The following BNC2 variants were observed in gnomAD, a reference collection of about 807,000 sequenced individuals.
The protein encoded by BNC2 is basonuclin zinc finger protein 2, also known as zinc finger protein basonuclin-2.
BNC2 carries 20 observed loss-of-function variants against 76.3 expected under a neutral mutation model. The observed-to-expected ratio is 0.26, with a 90% CI of 0.18 to 0.38. The LOEUF (loss-of-function observed/expected upper bound fraction) is 0.38. Among genes scored for constraint, BNC2 ranks in the 10% least tolerant of loss-of-function variants. The pLI is 1.00. For synonymous variants in BNC2, 582 were observed against 514.8 expected, an observed-to-expected ratio of 1.13 and a Z score of -1.77; for missense variants, 1,382 against 1,399.8, an observed-to-expected ratio of 0.99 and a Z score of 0.20.
At chr9:16,847,807 C>T (rs903140854) in intron 1 of BNC2, among the ~76,000 whole-genome samples, 4 of 152,204 alleles carry the variant, frequency 2.6e-5, no homozygotes, top group East Asian at 1.9e-4. Context: ...TGAGAATCTA[C>T]GGAGCAGCAT....
chr9:16,419,726 T>C (rs1820672563), intron 6 of BNC2, 77 bp from the exon 7 acceptor site: 1 of 921,656 alleles, frequency 1.1e-6, no homozygotes, highest in Non-Finnish European at 1.7e-6. Context: ...CATTTTAAAA[T>C]TGATTCAGCT....
Position 16,552,711 on chromosome 9 carries a change from A to G in BNC2, c.488T>C (p.Val163Ala). 1 of 1,614,208 alleles carries G rather than the reference A, an allele frequency of 6.2e-7. No individual in the cohort carries two copies. Among genetic ancestry groups the G allele is most frequent in the Non-Finnish European group, 8.5e-7 (1 of 1,180,040 alleles). Residue 163 changes from valine to alanine, a missense_variant, in exon 5 of 7, where the codon GTG (valine) becomes GCG (alanine). This residue lies in a region of BNC2 where 557 missense variants were observed against 540.9 expected (regional missense o/e 1.03). Transcript: ENST00000380672. ...GATGTCAAACACGACGTTGGACTGC[A>G]CAATCTCCACTTGGGTGGGGTGGTA... ...HLYHPTQVEI[V>A]QSNVVFDISS...
intron 2 of BNC2, among the ~76,000 whole-genome samples, chr9:16,736,153 G>T (rs895344650): frequency 1.5e-4 from 22 of 150,960 alleles, no homozygotes; most frequent in African/African-American, 4.9e-4. Context: ...AGAATCACTT[G>T]AACCTGGGAG....
intron 1 of BNC2, among the ~76,000 whole-genome samples, chr9:16,821,875 C>T (rs1209273918): frequency 6.6e-6 from 1 of 151,944 alleles, no homozygotes; most frequent in Non-Finnish European, 1.5e-5. Flanking sequence ...GGACGGATCA[C>T]GAGGTCAGGA....
rs181057037 is a variant in BNC2 at position 16,701,006 on chromosome 9, G to A, written c.330+26791C>T. Among the ~76,000 whole-genome samples, 254 of 152,220 alleles carry A rather than the reference G, an allele frequency of 1.7e-3. 1 individual carries two copies. The Middle Eastern group carries it at 0.017, about 10-fold the overall frequency. On this transcript the variant is annotated intron_variant, in intron 3 of 6. Coordinates refer to ENST00000380672, the MANE Select transcript of BNC2 (RefSeq NM_017637.6). ...GAATTCCACATAATAACATCGCCAA[G>A]CACAAGATAAACAAAACCTTCAAGT... is the stretch of plus-strand genomic sequence containing the variant.
At chr9:16,671,790 A>T (rs931329480) in intron 3 of BNC2, among the ~76,000 whole-genome samples, 1 of 152,148 alleles carries the variant, frequency 6.6e-6, no homozygotes, top group African/African-American at 2.4e-5. Context: ...TGGTTTTAAC[A>T]CTGGTTTGAC....
At chr9:16,703,630 G>C (rs1486894765) in intron 3 of BNC2, among the ~76,000 whole-genome samples, 2 of 152,082 alleles carry the variant, frequency 1.3e-5, no homozygotes, top group Admixed American at 6.6e-5. Context: ...TGTTTAAGAA[G>C]AACAAGCCAT....
chr9:16,557,461 T>G (rs1818871326), intron 4 of BNC2, among the ~76,000 whole-genome samples: 1 of 151,448 alleles, frequency 6.6e-6, no homozygotes, highest in Admixed American at 6.6e-5. Flanking sequence ...ATCGTACCAC[T>G]GCACTCTAGC....
chr9:16,581,833 G>C (rs954806728), intron 4 of BNC2, among the ~76,000 whole-genome samples: 4 of 152,134 alleles, frequency 2.6e-5, no homozygotes, highest in African/African-American at 9.7e-5. Context: ...GCAGGAAAGC[G>C]CTCTATCCCT....
chr9:16,798,977 T>C (rs558143065), intron 1 of BNC2, among the ~76,000 whole-genome samples: 1 of 152,246 alleles, frequency 6.6e-6, no homozygotes, highest in African/African-American at 2.4e-5. Context: ...TATCCAAATG[T>C]CAGGGGGCTC....
rs35727132 is a variant in BNC2 at position 16,418,442 on chromosome 9, TGGCCCCTCAA to T, written c.*537_*546del. The T allele has an allele frequency of 0.41, 62,454 of 153,008 alleles. 13,056 individuals are homozygous for T. Among genetic ancestry groups the T allele is most frequent in the South Asian group, 0.53 (2,590 of 4,848 alleles). The allele number at this position is 153,008 out of a possible 1,614,324, so 9.5% of individuals were successfully genotyped here. A position where few individuals can be genotyped will look rare whatever the true frequency, so the allele number is the denominator to read the frequency against. Reference sequence around the variant, plus strand: ...CATCAATACAATTGTTTTACATCAATGGCCCCTCAAGGCTAAATATTTACAGGTGAATCTG... The same window carrying T: ...CATCAATACAATTGTTTTACATCAATGGCTAAATATTTACAGGTGAATCTG... On this transcript the variant is annotated 3_prime_UTR_variant, in exon 7 of 7. Transcript: ENST00000380672.
intron 1 of BNC2, among the ~76,000 whole-genome samples, chr9:16,806,273 C>G (rs1224040729): frequency 6.6e-6 from 1 of 152,094 alleles, no homozygotes; most frequent in South Asian, 2.1e-4. Context: ...CCCAAGGGTT[C>G]AAGACCAGCC....
At chr9:16,706,551 T>C (rs1204127086) in intron 3 of BNC2, among the ~76,000 whole-genome samples, 1 of 152,214 alleles carries the variant, frequency 6.6e-6, no homozygotes, top group Non-Finnish European at 1.5e-5. Flanking sequence ...AATGATGATC[T>C]CAAAGCAGGT....
rs190836742 is a variant in BNC2 at position 16,571,662 on chromosome 9, C to T, written c.433+11321G>A. On this transcript the variant is annotated intron_variant, in intron 4 of 6. Coordinates refer to ENST00000380672, the MANE Select transcript of BNC2 (RefSeq NM_017637.6). ...CACTCAGCACCCCGAGATAATAACA[C>T]ACATCTATAAGATAAAAGCAATGGC... 2.4e-3 allele frequency among the ~76,000 whole-genome samples: 362 copies of T among 152,214 alleles called. 1 individual carries two copies. Among genetic ancestry groups the T allele is most frequent in the African/African-American group, 8.3e-3 (344 of 41,550 alleles).
At chr9:16,482,507 T>C (rs913002448) in intron 5 of BNC2, among the ~76,000 whole-genome samples, 2 of 151,546 alleles carry the variant, frequency 1.3e-5, no homozygotes, top group African/African-American at 4.9e-5. Context: ...GGAAATAAAG[T>C]CTATTTTGAC....
intron 4 of BNC2, among the ~76,000 whole-genome samples, chr9:16,566,787 G>C (rs1379283165): frequency 6.6e-6 from 1 of 152,134 alleles, no homozygotes; most frequent in African/African-American, 2.4e-5. Flanking sequence ...CACACAGTAA[G>C]ACTGTAAGAA....
At chr9:16,610,448 G>C (rs530758268) in intron 3 of BNC2, among the ~76,000 whole-genome samples, 5 of 152,216 alleles carry the variant, frequency 3.3e-5, no homozygotes, top group African/African-American at 9.6e-5. Context: ...ACAGATACAA[G>C]TTTGAAGGAA....
chr9:16,436,255 T>C lies in BNC2; in HGVS notation c.1939A>G (p.Ile647Val). The C allele has an allele frequency of 6.2e-7, 1 of 1,614,124 alleles. No homozygotes were observed. Among genetic ancestry groups the C allele is most frequent in the Non-Finnish European group, 8.5e-7 (1 of 1,180,012 alleles). Residue 647 changes from isoleucine to valine, a missense_variant, in exon 6 of 7, where the codon ATT becomes GTT. Around this residue, in one of 3 missense-constraint regions of BNC2, gnomAD observed 798 missense variants for 775.5 expected, o/e 1.03. Coordinates refer to ENST00000380672, the MANE Select transcript of BNC2 (RefSeq NM_017637.6). The part of the protein sequence containing the change: ...SMPVKIEKEI[I>V]DTADEFDDED... ...TCATCAAACTCATCGGCGGTATCAA[T>C]AATTTCCTTCTCAATCTTCACAGGC...
chr9:16,643,956 T>C (rs981948055), intron 3 of BNC2, among the ~76,000 whole-genome samples: 1 of 152,114 alleles, frequency 6.6e-6, no homozygotes, highest in African/African-American at 2.4e-5. Context: ...GAAGAACCTA[T>C]GGGAGGTGTG....
Sources: allele counts gnomAD v4.1 joint callset (sites outside exome capture counted in the v4.1 genomes callset), GRCh38; gene constraint gnomAD v4.1.1; regional missense constraint gnomAD v4.1.1; transcripts MANE v1.5; gene names NCBI Gene and HGNC (gene_info 2026-07-23, HGNC 2026-07-21).